FAT3: variants seen among roughly 807,000 people sequenced by gnomAD.
The protein encoded by FAT3 is FAT atypical cadherin 3, also known as protocadherin Fat 3.
FAT3 carries 95 observed loss-of-function variants against 310.2 expected under a neutral mutation model. The observed-to-expected ratio is 0.31, with a 90% CI of 0.26 to 0.36. FAT3 has a LOEUF of 0.36. FAT3 is among the 10% of genes least tolerant of loss of function. FAT3 has a pLI of 1.00. For synonymous variants in FAT3, 2,314 were observed against 2,192.9 expected, an observed-to-expected ratio of 1.06 and a Z score of -1.54; for missense variants, 5,408 against 5,715.6, an observed-to-expected ratio of 0.95 and a Z score of 1.74.
intron 3 of FAT3, among the ~76,000 whole-genome samples, chr11:92,618,656 T>C (rs1357851822): frequency 6.6e-6 from 1 of 152,224 alleles, no homozygotes; most frequent in Non-Finnish European, 1.5e-5. Flanking sequence ...GTTTCATTGC[T>C]AATGCATATA....
At chr11:92,366,976 A>G in intron 2 of FAT3, 1 of 525,102 alleles carries the variant, frequency 1.9e-6, no homozygotes, top group Admixed American at 1.9e-5. Flanking sequence ...TCAGACACCC[A>G]TAGTGCCCTT....
intron 7 of FAT3, among the ~76,000 whole-genome samples, chr11:92,781,997 A>C (rs139901529): frequency 3.0e-4 from 46 of 152,240 alleles, no homozygotes; most frequent in Non-Finnish European, 6.2e-4. Context: ...TTTCTTATTC[A>C]AGTAATCCTT....
intron 1 of FAT3, among the ~76,000 whole-genome samples, chr11:92,293,851 A>C (rs1216833141): frequency 6.6e-6 from 1 of 152,022 alleles, no homozygotes; most frequent in Non-Finnish European, 1.5e-5. Flanking sequence ...GGAGTAGAGA[A>C]AGGAAGTTTT....
At chr11:92,778,873 G>A (rs1358040008) in intron 7 of FAT3, among the ~76,000 whole-genome samples, 1 of 152,048 alleles carries the variant, frequency 6.6e-6, no homozygotes, top group Non-Finnish European at 1.5e-5. Context: ...AAGAAAGACT[G>A]TCCACCAAAG....
intron 1 of FAT3, among the ~76,000 whole-genome samples, chr11:92,227,427 C>A (rs1863967271): frequency 6.6e-6 from 1 of 152,130 alleles, no homozygotes; most frequent in African/African-American, 2.4e-5. Context: ...AGACTGCAGA[C>A]GACTTTGCCT....
chr11:92,627,960 T>C (rs513830), intron 3 of FAT3, among the ~76,000 whole-genome samples: 85,321 of 152,008 alleles, frequency 0.56, 25,370 homozygotes, highest in African/African-American at 0.76. Flanking sequence ...GAGACAGGTC[T>C]GAGTCAGAGC....
intron 2 of FAT3, among the ~76,000 whole-genome samples, chr11:92,429,357 T>C (rs1270141334): frequency 6.6e-6 from 1 of 152,184 alleles, no homozygotes; most frequent in Non-Finnish European, 1.5e-5. Flanking sequence ...TGTCTTTTAA[T>C]TGAGGAATTT....
chr11:92,655,400 C>G (rs1293373637), intron 3 of FAT3, among the ~76,000 whole-genome samples: 2 of 152,222 alleles, frequency 1.3e-5, no homozygotes, highest in Non-Finnish European at 2.9e-5. Flanking sequence ...TTCAGGAATA[C>G]TGGACCTATC....
intron 1 of FAT3, among the ~76,000 whole-genome samples, chr11:92,314,628 C>T (rs1417594537): frequency 6.6e-6 from 1 of 152,142 alleles, no homozygotes; most frequent in Non-Finnish European, 1.5e-5. Flanking sequence ...TCCTGCTGGG[C>T]TAATGTTTAT....
chr11:92,287,777 CCA>C (rs1946594868), intron 1 of FAT3, among the ~76,000 whole-genome samples: 1 of 152,102 alleles, frequency 6.6e-6, no homozygotes, highest in Non-Finnish European at 1.5e-5. Flanking sequence ...ATGGCTAGTT[CCA>C]TGAGAGAGCC....
chr11:92,506,875 C>A (rs185614123), intron 2 of FAT3, among the ~76,000 whole-genome samples: 1 of 152,162 alleles, frequency 6.6e-6, no homozygotes, highest in African/African-American at 2.4e-5. Context: ...TTTTAAAGAA[C>A]TAGTCTATCT....
chr11:92,806,074 A>G (rs1015984167), intron 11 of FAT3, among the ~76,000 whole-genome samples: 5 of 152,188 alleles, frequency 3.3e-5, no homozygotes, highest in African/African-American at 9.7e-5. Flanking sequence ...GTTCCACAAG[A>G]GTGGGGATGT....
At chr11:92,791,223 T>C (rs183709184) in intron 8 of FAT3, among the ~76,000 whole-genome samples, 1 of 152,268 alleles carries the variant, frequency 6.6e-6, no homozygotes, top group East Asian at 1.9e-4. Context: ...TTAACAAATA[T>C]TTCTCAACCA....
At position 92,867,062 on chromosome 11, in the gene FAT3, A is replaced by AATGAGCTG; in HGVS notation, c.11981_11988dup (p.Pro3997MetfsTer18). ...CCTGGACTCGGTGATACTGAATAAC[A>AATGAGCTG]ATGAGCTGCCGCTGCAGAACAAGCG... On this transcript the variant is annotated frameshift_variant, in exon 22 of 28. Transcript: ENST00000525166. LOFTEE classifies it high-confidence loss of function. 6.3e-7 allele frequency: 1 copy of AATGAGCTG among 1,589,756 alleles called. No homozygotes were observed. The highest frequency in any genetic ancestry group is 8.6e-7 in the Non-Finnish European group (1 of 1,168,412).
At chr11:92,816,291 G>T (rs1005139080) in intron 13 of FAT3, among the ~76,000 whole-genome samples, 1 of 152,224 alleles carries the variant, frequency 6.6e-6, no homozygotes. Context: ...GGACAGGTCA[G>T]TGCGAGTCTA....
chr11:92,774,234 G>A lies in FAT3; in HGVS notation c.4335+54G>A, dbSNP rs1044609277. 4.6e-6 allele frequency: 7 copies of A among 1,526,708 alleles called. No homozygotes were observed. The African/African-American group carries it at 8.3e-5, about 18-fold the overall frequency. The allele number at this position is 1,526,708 out of a possible 1,614,324, so 94.6% of individuals were successfully genotyped here. The stretch of plus-strand genomic sequence containing the variant: ...AATGCTGAAAGAGCTGCCAAAGTCA[G>A]GGGTGCAAGCAATGAAAAAAAAATG... On this transcript the variant is annotated intron_variant, in intron 7 of 27. Coordinates refer to ENST00000525166, the MANE Select transcript of FAT3 (RefSeq NM_001367949.2).
chr11:92,719,224 T>C (rs1944782922), intron 4 of FAT3, among the ~76,000 whole-genome samples: 1 of 152,174 alleles, frequency 6.6e-6, no homozygotes, highest in Admixed American at 6.5e-5. Flanking sequence ...GCTGGGCCAG[T>C]TAGCATTTCC....
chr11:92,574,154 A>T (rs1217837377), intron 3 of FAT3, among the ~76,000 whole-genome samples: 4 of 152,190 alleles, frequency 2.6e-5, no homozygotes, highest in Non-Finnish European at 5.9e-5. Context: ...GCTGGTTGTC[A>T]CAGTCAGCCC....
At chr11:92,397,261 A>G (rs1333430558) in intron 2 of FAT3, among the ~76,000 whole-genome samples, 1 of 152,130 alleles carries the variant, frequency 6.6e-6, no homozygotes, top group Non-Finnish European at 1.5e-5. Context: ...TAAGCAGTAC[A>G]TTTGCCCAGA....
Sources: allele counts gnomAD v4.1 joint callset (sites outside exome capture counted in the v4.1 genomes callset), GRCh38; gene constraint gnomAD v4.1.1; transcripts MANE v1.5; gene names NCBI Gene and HGNC (gene_info 2026-07-23, HGNC 2026-07-21).